SASH1: variants seen among roughly 807,000 people sequenced by gnomAD.
SASH1 encodes SAM and SH3 domain-containing protein 1.
A neutral mutation model predicts 125.2 loss-of-function variants in SASH1; 44 were observed. That is an observed-to-expected ratio of 0.35 (90% CI 0.28 to 0.45). SASH1 has a LOEUF of 0.45. Among genes scored for constraint, SASH1 ranks in the 20% least tolerant of loss-of-function variants. The probability of loss-of-function intolerance (pLI) is 1.00; values close to 1 mark genes in which losing one functional copy is unlikely to be tolerated. For missense variants in SASH1, 1,426 were observed against 1,614.5 expected (o/e 0.88, Z 2.00); for synonymous variants, 639 against 649.1 (o/e 0.98, Z 0.24).
chr6:148,313,709 G>A (rs937110162), intron 1 of SASH1, among the ~76,000 whole-genome samples: 9 of 152,242 alleles, frequency 5.9e-5, no homozygotes, highest in African/African-American at 2.2e-4. Context: ...CAGGGGCCTC[G>A]GTGGCTGTGG....
chr6:148,231,029 C>T, the SASH1 span, among the ~76,000 whole-genome samples: 3 of 152,138 alleles, frequency 2.0e-5, no homozygotes, highest in East Asian at 5.8e-4. Flanking sequence ...TGTTTTGGTG[C>T]CATATCTAAG....
chr6:148,332,456 TGTC>T (rs543635065), intron 1 of SASH1, among the ~76,000 whole-genome samples: 14 of 152,236 alleles, frequency 9.2e-5, no homozygotes, highest in Admixed American at 1.3e-4. Context: ...AATGTGTTGT[TGTC>T]GTCTGTAACA....
rs775092121 is a variant in SASH1 at position 148,534,848 on chromosome 6, C to T, written c.2042C>T (p.Pro681Leu). Reference sequence around the variant, plus strand: ...TTGGATGAGTTAAATATCAGGGACCCGGAACACAGAGCTGTTCTCTTGACA... The same window carrying T: ...TTGGATGAGTTAAATATCAGGGACCTGGAACACAGAGCTGTTCTCTTGACA... ...EDLDELNIRDPEHRAVLLTAV... is the reference protein window; with the variant it reads ...EDLDELNIRDLEHRAVLLTAV... The change falls in exon 16 of 20, where the codon CCG (proline) becomes CTG (leucine). Residue 681 changes from proline (P) to leucine (L), a missense_variant. Physicochemically the swap from Pro to Leu is moderately conservative, Grantham distance 98. Around this residue, in one of 3 missense-constraint regions of SASH1, gnomAD observed 225 missense variants for 344.5 expected, o/e 0.65. Coordinates refer to ENST00000367467, the MANE Select transcript of SASH1 (RefSeq NM_015278.5). The T allele has an allele frequency of 1.2e-5, 19 of 1,614,062 alleles. No individual in the cohort carries two copies. Among genetic ancestry groups the T allele is most frequent in the South Asian group, 5.5e-5 (5 of 91,082 alleles).
chr6:148,467,254 G>A (rs374801326), intron 4 of SASH1, among the ~76,000 whole-genome samples: 45 of 152,012 alleles, frequency 3.0e-4, no homozygotes, highest in African/African-American at 1.1e-3. Context: ...GTGCCACCAC[G>A]CCTAGCTAAT....
intron 1 of SASH1, among the ~76,000 whole-genome samples, chr6:148,287,129 A>T (rs1254787676): frequency 6.6e-6 from 1 of 152,020 alleles, no homozygotes; most frequent in Non-Finnish European, 1.5e-5. Context: ...CAGCTCCAGA[A>T]TGCTCTCCTT....
chr6:148,449,078 C>CTTTTTTTTTTTTTTTTTTCTT, intron 4 of SASH1, among the ~76,000 whole-genome samples: 1 of 88,736 alleles, frequency 1.1e-5, no homozygotes, highest in African/African-American at 4.3e-5. Context: ...CATTTCATTT[C>CTTTTTTTTTTTTTTTTTTCTT]TTTTTTTTTT....
intron 4 of SASH1, among the ~76,000 whole-genome samples, chr6:148,446,351 G>T (rs1047893977): frequency 1.3e-5 from 2 of 151,916 alleles, no homozygotes; most frequent in South Asian, 2.1e-4. Context: ...CTCATGATCC[G>T]CCCGCCTTGG....
intron 1 of SASH1, among the ~76,000 whole-genome samples, chr6:148,361,307 A>G (rs1221280469): frequency 6.6e-6 from 1 of 152,228 alleles, no homozygotes; most frequent in Admixed American, 6.5e-5. Flanking sequence ...GAAAGTATAA[A>G]GACAGCAAGG....
chr6:148,457,141 C>G (rs781557595), intron 4 of SASH1, among the ~76,000 whole-genome samples: 1 of 150,562 alleles, frequency 6.6e-6, no homozygotes, highest in Non-Finnish European at 1.5e-5. Flanking sequence ...CTGGTTAGAT[C>G]AAAACCAGAA....
chr6:148,207,089 CA>C, the SASH1 span, among the ~76,000 whole-genome samples: 2 of 152,176 alleles, frequency 1.3e-5, no homozygotes, highest in African/African-American at 2.4e-5. Flanking sequence ...CCAAATTAAG[CA>C]TTGGCAAAGC....
intron 1 of SASH1, among the ~76,000 whole-genome samples, chr6:148,283,699 G>A (rs1442417214): frequency 2.0e-5 from 3 of 151,894 alleles, no homozygotes; most frequent in Non-Finnish European, 2.9e-5. Flanking sequence ...ATTTGAACCC[G>A]AGAGACGGAG....
At chr6:148,425,650 A>G (rs538273807) in intron 2 of SASH1, among the ~76,000 whole-genome samples, 2 of 151,914 alleles carry the variant, frequency 1.3e-5, no homozygotes, top group Non-Finnish European at 2.9e-5. Context: ...GATATTTAAT[A>G]TCTTCACTAA....
At chr6:148,215,106 G>A in the SASH1 span, among the ~76,000 whole-genome samples, 2 of 152,132 alleles carry the variant, frequency 1.3e-5, no homozygotes, top group Non-Finnish European at 2.9e-5. Context: ...CTGTCACTTG[G>A]CCCTGCAGAG....
intron 19 of SASH1, among the ~76,000 whole-genome samples, chr6:148,547,871 T>C (rs542943627): frequency 1.3e-5 from 2 of 152,204 alleles, no homozygotes; most frequent in Non-Finnish European, 2.9e-5. Flanking sequence ...GTTGTTAACA[T>C]AGATTCAAAA....
chr6:148,272,298 C>A (rs1022570148), upstream of SASH1: 2 of 467,320 alleles, frequency 4.3e-6, no homozygotes, highest in East Asian at 1.4e-4. Flanking sequence ...CAGATTCATG[C>A]GATCTGAGTC....
chr6:148,362,057 A>G lies in SASH1; in HGVS notation c.156+18834A>G, dbSNP rs148476933. Among the ~76,000 whole-genome samples, 615 of 137,810 alleles carry G rather than the reference A, an allele frequency of 4.5e-3. 8 individuals are homozygous for G. Among genetic ancestry groups the G allele is most frequent in the East Asian group, 0.031 (140 of 4,488 alleles). The allele number at this position is 137,810 out of a possible 152,430, so 90.4% of individuals were successfully genotyped here. On this transcript the variant is annotated intron_variant, in intron 1 of 19. Coordinates refer to ENST00000367467, the MANE Select transcript of SASH1 (RefSeq NM_015278.5). ...GCCTCCCGAGTAGCTGGGACTACAG[A>G]CGCCCACAACCACGCCCAGCTATTT...
chr6:148,498,507 A>T (rs1352644744), intron 8 of SASH1, among the ~76,000 whole-genome samples: 1 of 152,188 alleles, frequency 6.6e-6, no homozygotes, highest in Non-Finnish European at 1.5e-5. Flanking sequence ...ACCTATTTTT[A>T]AAAAATTAAT....
chr6:148,425,893 T>C (rs1770066656), intron 2 of SASH1, among the ~76,000 whole-genome samples: 1 of 151,776 alleles, frequency 6.6e-6, no homozygotes, highest in Non-Finnish European at 1.5e-5. Flanking sequence ...ATTTTCTCAA[T>C]GGTCATTAGG....
At chr6:148,238,542 T>A in the SASH1 span, among the ~76,000 whole-genome samples, 1 of 151,934 alleles carries the variant, frequency 6.6e-6, no homozygotes, top group African/African-American at 2.4e-5. Context: ...TCTTTTAATA[T>A]ACCATATGAA....
Sources: allele counts gnomAD v4.1 joint callset (sites outside exome capture counted in the v4.1 genomes callset), GRCh38; gene constraint gnomAD v4.1.1; regional missense constraint gnomAD v4.1.1; transcripts MANE v1.5; gene names NCBI Gene and HGNC (gene_info 2026-07-23, HGNC 2026-07-21).